Variants in ANAPC16 observed in about 807,000 individuals in gnomAD.
The protein encoded by ANAPC16 is anaphase promoting complex subunit 16.
A neutral mutation model predicts 13.1 loss-of-function variants in ANAPC16; 6 were observed. The observed-to-expected ratio is 0.46, with a 90% confidence interval of 0.25 to 0.90. ANAPC16 has a LOEUF of 0.90. Among genes scored for constraint, ANAPC16 ranks in the 40% least tolerant of loss-of-function variants. The pLI is 0.18. For synonymous variants in ANAPC16, 55 were observed against 51.3 expected (o/e 1.07, Z -0.31); for missense variants, 113 against 131.1 (o/e 0.86, Z 0.67).
At chr10:72,232,672 C>T (rs1384916457) in intron 3 of ANAPC16, among the ~76,000 whole-genome samples, 3 of 149,728 alleles carry the variant, frequency 2.0e-5, no homozygotes, top group Non-Finnish European at 3.0e-5. Flanking sequence ...GGCACGATCT[C>T]GGCTCACTGC....
Position 72,232,667 on chromosome 10 carries a change from G to C in ANAPC16, c.218-334G>C, listed in dbSNP as rs184593475. 3.4e-5 allele frequency among the ~76,000 whole-genome samples: 5 copies of C among 147,014 alleles called. No homozygotes were observed. In the East Asian group the frequency reaches 8.5e-4, roughly 25 times the overall value. ...TCACCAGGCTGGAATGCAGTGGCAC[G>C]ATCTCGGCTCACTGCAACCTCTGCC... On this transcript the variant is annotated intron_variant, in intron 3 of 3. Transcript: ENST00000299381.
intron 2 of ANAPC16, among the ~76,000 whole-genome samples, chr10:72,229,609 G>T (rs1022740672): frequency 3.3e-5 from 5 of 152,210 alleles, no homozygotes; most frequent in African/African-American, 1.2e-4. Context: ...ATGTTTCTAC[G>T]TGAGCTGTAA....
intron 2 of ANAPC16, among the ~76,000 whole-genome samples, chr10:72,225,638 AC>A (rs1041115309): frequency 1.3e-5 from 2 of 152,146 alleles, no homozygotes; most frequent in African/African-American, 4.8e-5. Context: ...GCAGTAACTC[AC>A]GCCTGTAATC....
intron 1 of ANAPC16, among the ~76,000 whole-genome samples, chr10:72,222,726 G>C (rs868396216): frequency 1.3e-5 from 2 of 152,274 alleles, no homozygotes; most frequent in Admixed American, 1.3e-4. Flanking sequence ...GCGGTGAGCC[G>C]ATATCATGCC....
intron 3 of ANAPC16, among the ~76,000 whole-genome samples, chr10:72,232,195 A>G (rs1241379301): frequency 1.3e-5 from 2 of 149,748 alleles, no homozygotes; most frequent in Non-Finnish European, 3.0e-5. Flanking sequence ...TCAAAAAAAA[A>G]AAAAAAAAAA....
chr10:72,219,044 T>G (rs777927827), intron 1 of ANAPC16, among the ~76,000 whole-genome samples: 1 of 152,204 alleles, frequency 6.6e-6, no homozygotes, highest in Non-Finnish European at 1.5e-5. Flanking sequence ...CTTCAAAATA[T>G]AAAGTATAAA....
At chr10:72,232,406 C>T (rs1193347212) in intron 3 of ANAPC16, among the ~76,000 whole-genome samples, 2 of 149,782 alleles carry the variant, frequency 1.3e-5, no homozygotes, top group African/African-American at 2.5e-5. Flanking sequence ...TAGCTGGGCA[C>T]GATGGCGGGT....
At position 72,230,416 on chromosome 10, in the gene ANAPC16, T is replaced by C; in HGVS notation, c.193T>C (p.Ser65Pro). 1.2e-6 allele frequency: 2 copies of C among 1,614,154 alleles called. No homozygotes were observed. Among genetic ancestry groups the C allele is most frequent in the Non-Finnish European group, 8.5e-7 (1 of 1,180,006 alleles). Reference sequence around the variant, plus strand: ...ATCTGTTTTTAGCTATCAAGTGGCATCCACGCTTAAACAGGTGAAACATGG... The same window carrying C: ...ATCTGTTTTTAGCTATCAAGTGGCACCCACGCTTAAACAGGTGAAACATGG... ...CESVFSYQVA[S>P]TLKQVKHDQQ... Residue 65 changes from serine to proline, a missense_variant, in exon 3 of 4, where the codon TCC becomes CCC. Coordinates refer to ENST00000299381, the MANE Select transcript of ANAPC16 (RefSeq NM_173473.4).
intron 1 of ANAPC16, among the ~76,000 whole-genome samples, chr10:72,217,460 G>A (rs1272388994): frequency 3.5e-5 from 5 of 142,746 alleles, no homozygotes; most frequent in African/African-American, 8.4e-5. Flanking sequence ...GGGTGACAGC[G>A]AGAATCCGTC....
At position 72,230,428 on chromosome 10, in the gene ANAPC16, C is replaced by A. The variant is rs1161532172; in HGVS notation, c.205C>A (p.Gln69Lys). Residue 69 changes from glutamine to lysine, a missense_variant, in exon 3 of 4, where the codon CAG becomes AAG. Transcript: ENST00000299381. ...CTATCAAGTGGCATCCACGCTTAAA[C>A]AGGTGAAACATGGTAAGCACATGAG... ...FSYQVASTLK[Q>K]VKHDQQVARM... 1 of 1,613,964 alleles carries A rather than the reference C, an allele frequency of 6.2e-7. No individual in the cohort carries two copies.
At chr10:72,221,433 G>A (rs1481721779) in intron 1 of ANAPC16, among the ~76,000 whole-genome samples, 2 of 151,828 alleles carry the variant, frequency 1.3e-5, no homozygotes, top group African/African-American at 2.4e-5. Flanking sequence ...CCAGTTTATA[G>A]GTGCAACATG....
In ANAPC16 at chr10:72,224,889, A is replaced by T. The variant is rs143542337; in HGVS notation, c.142+833A>T. On this transcript the variant is annotated intron_variant, in intron 2 of 3. Coordinates refer to ENST00000299381, the MANE Select transcript of ANAPC16 (RefSeq NM_173473.4). ...TAGCACCAAAGCCAGATTTGCATCA[A>T]ATCATTCACCATCTTGTTCAGCATC... Among the ~76,000 whole-genome samples the T allele has an allele frequency of 1.2e-3, 178 of 152,302 alleles. 1 individual carries two copies. The highest frequency in any genetic ancestry group is 4.1e-3 in the African/African-American group (170 of 41,580).
intron 1 of ANAPC16, chr10:72,220,283 C>G (rs1436691080): frequency 6.9e-6 from 1 of 144,152 alleles, no homozygotes; most frequent in Non-Finnish European, 1.5e-5. Flanking sequence ...GAGCCGAGAT[C>G]GCGCCATTTC....
In ANAPC16 at chr10:72,220,325, C is replaced by CAAAAAAAAAAAAAAA. The variant is rs75738117; in HGVS notation, c.-27-3559_-27-3545dup. ...GGGCAACAAGAGGGAAACTCCGTCT[C>CAAAAAAAAAAAAAAA]AAAAAAAAAAAAAAAAAAGAAGAGA... is the stretch of plus-strand genomic sequence containing the variant. On this transcript the variant is annotated intron_variant, in intron 1 of 3. Transcript: ENST00000299381. The CAAAAAAAAAAAAAAA allele has an allele frequency of 4.2e-4, 27 of 63,686 alleles. 2 individuals are homozygous for CAAAAAAAAAAAAAAA. Among genetic ancestry groups the CAAAAAAAAAAAAAAA allele is most frequent in the African/African-American group, 1.4e-3 (27 of 18,654 alleles). 3.9% of individuals were successfully genotyped at this position (63,686 alleles called of 1,614,324 possible).
intron 3 of ANAPC16, among the ~76,000 whole-genome samples, chr10:72,232,563 C>A (rs1415999319): frequency 7.0e-6 from 1 of 142,592 alleles, no homozygotes; most frequent in Non-Finnish European, 1.5e-5. Flanking sequence ...CCCCACCCCC[C>A]AAAAAAAGAG....
At chr10:72,225,917 A>G (rs1860108084) in intron 2 of ANAPC16, among the ~76,000 whole-genome samples, 1 of 151,980 alleles carries the variant, frequency 6.6e-6, no homozygotes, top group African/African-American at 2.4e-5. Context: ...AAAAGCAAAA[A>G]AAAAGCTTTG....
At chr10:72,224,176 C>A (rs1860042140) in intron 2 of ANAPC16, 120 bp downstream of exon 2, 2 of 1,137,150 alleles carry the variant, frequency 1.8e-6, no homozygotes, top group African/African-American at 1.6e-5. Flanking sequence ...CATTTCATTT[C>A]TTGTCCCCAT....
Position 72,235,772 on chromosome 10 carries a change from T to C in ANAPC16, c.*2656T>C, listed in dbSNP as rs1024153130. ...CTTTACGCTTTGGTATTTGAACTTATTACAGAATTTTTTCTCTAAATTGGA... is the reference window on the plus strand; with the variant it reads ...CTTTACGCTTTGGTATTTGAACTTACTACAGAATTTTTTCTCTAAATTGGA... On this transcript the variant is annotated 3_prime_UTR_variant, in exon 4 of 4. Coordinates refer to ENST00000299381, the MANE Select transcript of ANAPC16 (RefSeq NM_173473.4). 4 of 152,232 alleles carry C rather than the reference T, an allele frequency of 2.6e-5. No homozygotes were observed. Among genetic ancestry groups the C allele is most frequent in the Non-Finnish European group, 2.9e-5 (2 of 68,040 alleles). The allele number at this position is 152,232 out of a possible 1,614,324, so 9.4% of individuals were successfully genotyped here.
At position 72,233,024 on chromosome 10, in the gene ANAPC16, A is replaced by G; in HGVS notation, c.241A>G (p.Lys81Glu). 6.2e-7 allele frequency: 1 copy of G among 1,614,202 alleles called. No homozygotes were observed. The highest frequency in any genetic ancestry group is 8.5e-7 in the Non-Finnish European group (1 of 1,180,030). Residue 81 changes from lysine (K) to glutamate (E), a missense_variant, in exon 4 of 4, where the codon AAA becomes GAA. Coordinates refer to ENST00000299381, the MANE Select transcript of ANAPC16 (RefSeq NM_173473.4). ...AGATCAGCAAGTTGCTCGGATGGAAAAACTAGCTGGTTTGGTAGAAGAGCT... is the reference window on the plus strand; with the variant it reads ...AGATCAGCAAGTTGCTCGGATGGAAGAACTAGCTGGTTTGGTAGAAGAGCT... ...KHDQQVARME[K>E]LAGLVEELEA...
Sources: gnomAD v4.1 joint callset for allele counts (sites outside exome capture counted in the v4.1 genomes callset) on GRCh38, gnomAD v4.1.1 for gene constraint, MANE v1.5 for transcripts, NCBI Gene and HGNC (gene_info 2026-07-23, HGNC 2026-07-21) for gene names.